Variants in SERPINI2 observed in about 807,000 individuals in gnomAD.
SERPINI2 encodes serpin I2.
SERPINI2 carries 48 observed loss-of-function variants against 47.3 expected under a neutral mutation model. The ratio of observed to expected loss-of-function variants is 1.02; its 90% CI spans 0.81 to 1.29. The LOEUF (loss-of-function observed/expected upper bound fraction) is 1.29, where lower values mean the gene tolerates loss of function less well. Ranked by LOEUF, SERPINI2 falls within the 50% of genes most tolerant of loss-of-function variation. The pLI is 0.00. For synonymous variants in SERPINI2, 135 were observed against 149.3 expected, an observed-to-expected ratio of 0.90 and a Z score of 0.70; for missense variants, 448 against 456.9, an observed-to-expected ratio of 0.98 and a Z score of 0.18.
intron 5 of SERPINI2, among the ~76,000 whole-genome samples, chr3:167,460,726 A>G (rs1749959429): frequency 6.6e-6 from 1 of 152,206 alleles, no homozygotes; most frequent in African/African-American, 2.4e-5. Flanking sequence ...AAGCTTCATC[A>G]GGGTCCTCAA....
At chr3:167,462,981 G>A (rs889378915) in intron 5 of SERPINI2, among the ~76,000 whole-genome samples, 1 of 152,134 alleles carries the variant, frequency 6.6e-6, no homozygotes, top group African/African-American at 2.4e-5. Context: ...GTCAATTGAG[G>A]TTGGGGCTTA....
upstream of SERPINI2, among the ~76,000 whole-genome samples, chr3:167,476,132 A>G (rs1468987011): frequency 6.6e-6 from 1 of 151,234 alleles, no homozygotes; most frequent in Non-Finnish European, 1.5e-5. Flanking sequence ...AAATTATGAC[A>G]TATCCTATTT....
upstream of SERPINI2, among the ~76,000 whole-genome samples, chr3:167,475,110 G>T (rs1459159970): frequency 6.6e-6 from 1 of 151,492 alleles, no homozygotes; most frequent in Non-Finnish European, 1.5e-5. Flanking sequence ...AAAATTTTTT[G>T]ATTTCCCATA....
At chr3:167,468,944 G>A (rs1750229956) in intron 2 of SERPINI2, among the ~76,000 whole-genome samples, 1 of 152,064 alleles carries the variant, frequency 6.6e-6, no homozygotes, top group Non-Finnish European at 1.5e-5. Context: ...GAGAAAGGGA[G>A]AAAAAGTAGT....
rs571382598 is a variant in SERPINI2, at chr3:167,449,597, C to T, written c.965-195G>A. ...GCAACCTCTGCCTCCCAGATTCAAA[C>T]GATTCTACCATTCAGCCTCCCAAGT... On this transcript the variant is annotated intron_variant, in intron 6 of 8. Transcript: ENST00000264677. 9.9e-5 allele frequency among the ~76,000 whole-genome samples: 15 copies of T among 152,240 alleles called. No individual in the cohort carries two copies. The South Asian group carries it at 1.0e-3, about 11-fold the overall frequency.
Position 167,444,584 on chromosome 3 carries a change from T to A in SERPINI2, c.1141+1808A>T, listed in dbSNP as rs535809746. ...CTTGAGTTCATTTGTGAGAGAAAAA[T>A]TGATAAATCACTAAATATGTATTGT... On this transcript the variant is annotated intron_variant, in intron 8 of 8. Coordinates refer to ENST00000264677, the Ensembl canonical transcript of SERPINI2. Among the ~76,000 whole-genome samples, 35 of 152,264 alleles carry A rather than the reference T, an allele frequency of 2.3e-4. No individual in the cohort carries two copies. In the South Asian group the frequency reaches 6.8e-3, roughly 30 times the overall value.
At chr3:167,459,715 T>C (rs1749932322) in intron 5 of SERPINI2, among the ~76,000 whole-genome samples, 2 of 151,142 alleles carry the variant, frequency 1.3e-5, no homozygotes, top group Admixed American at 1.3e-4. Context: ...CTAACTTTGC[T>C]ACCAAAGAGA....
chr3:167,452,966 T>G (rs749564977), exon 6 of SERPINI2: 16 of 1,607,464 alleles, frequency 1.0e-5, no homozygotes, highest in Non-Finnish European at 1.3e-5. Flanking sequence ...CAGCCACCAC[T>G]AAATATCTCG....
At chr3:167,458,203 G>A (rs1461774593) in intron 5 of SERPINI2, among the ~76,000 whole-genome samples, 1 of 145,632 alleles carries the variant, frequency 6.9e-6, no homozygotes, top group African/African-American at 2.5e-5. Context: ...GATTCTTTTA[G>A]TACTTACTGT....
intron 3 of SERPINI2, among the ~76,000 whole-genome samples, chr3:167,466,244 C>T (rs1439599992): frequency 6.6e-6 from 1 of 152,078 alleles, no homozygotes. Flanking sequence ...CTAGTGATGT[C>T]CTCATTTCCT....
At chr3:167,457,133 G>A (rs1749816312) in intron 5 of SERPINI2, among the ~76,000 whole-genome samples, 1 of 152,140 alleles carries the variant, frequency 6.6e-6, no homozygotes, top group African/African-American at 2.4e-5. Flanking sequence ...CAAAGACTAT[G>A]GCTATTATTA....
At chr3:167,454,278 T>C (rs1274542142) in intron 5 of SERPINI2, among the ~76,000 whole-genome samples, 2 of 152,252 alleles carry the variant, frequency 1.3e-5, no homozygotes, top group Non-Finnish European at 2.9e-5. Context: ...AGAACTCTAC[T>C]GGGACTAAAT....
intron 1 of SERPINI2, 90 bp from the exon 2 acceptor site, chr3:167,471,934 C>T: frequency 2.2e-6 from 2 of 925,946 alleles, no homozygotes; most frequent in South Asian, 1.6e-5. Flanking sequence ...TTGTAGCTTT[C>T]TATCTTAATA....
In SERPINI2 at chr3:167,470,550, C is replaced by CTTTTTTTTTTTTTTTTTT. The variant is rs536884425; in HGVS notation, c.247+1020_247+1037dup. On this transcript the variant is annotated intron_variant, in intron 2 of 8. Transcript: ENST00000264677. ...AGATAGCTGAGGAGATGAGCAACAA[C>CTTTTTTTTTTTTTTTTTT]TTTTTTTTTTTTTTTTTTTTTTTTT... is the stretch of plus-strand genomic sequence containing the variant. 1.9e-4 allele frequency among the ~76,000 whole-genome samples: 18 copies of CTTTTTTTTTTTTTTTTTT among 93,032 alleles called. 2 individuals carry two copies. The highest frequency in any genetic ancestry group is 9.1e-4 in the African/African-American group (16 of 17,626). The allele number at this position is 93,032 out of a possible 152,430, so 61.0% of individuals were successfully genotyped here. A position where few individuals can be genotyped will look rare whatever the true frequency, so the allele number is the denominator to read the frequency against.
chr3:167,452,157 C>T (rs1257182798), intron 6 of SERPINI2, among the ~76,000 whole-genome samples: 1 of 152,152 alleles, frequency 6.6e-6, no homozygotes, highest in Non-Finnish European at 1.5e-5. Flanking sequence ...AACATTTCTG[C>T]ACTATTTCAT....
At chr3:167,449,339 C>G in exon 7 of SERPINI2, 3 of 1,612,962 alleles carry the variant, frequency 1.9e-6, no homozygotes, top group Non-Finnish European at 2.5e-6. Context: ...AGCTTCACTA[C>G]CATCTTCATT....
chr3:167,444,021 C>T (rs1749399512), intron 8 of SERPINI2, among the ~76,000 whole-genome samples: 1 of 152,064 alleles, frequency 6.6e-6, no homozygotes, highest in African/African-American at 2.4e-5. Context: ...CCTAATATTA[C>T]AATACAATAG....
intron 7 of SERPINI2, among the ~76,000 whole-genome samples, chr3:167,447,850 A>G (rs1490332445): frequency 1.3e-5 from 2 of 152,242 alleles, no homozygotes; most frequent in Non-Finnish European, 2.9e-5. Context: ...TTCCTTGAGC[A>G]CAGCAATGCA....
intron 5 of SERPINI2, among the ~76,000 whole-genome samples, chr3:167,457,608 C>G (rs980135062): frequency 6.6e-6 from 1 of 152,094 alleles, no homozygotes; most frequent in Non-Finnish European, 1.5e-5. Context: ...AGGTTATTAC[C>G]ACTACTCAGT....
Sources: allele counts gnomAD v4.1 joint callset (sites outside exome capture counted in the v4.1 genomes callset), GRCh38; gene constraint gnomAD v4.1.1; transcripts MANE v1.5; gene names NCBI Gene and HGNC (gene_info 2026-07-23, HGNC 2026-07-21).